LRP2BP: variants seen among roughly 807,000 people sequenced by gnomAD.
LRP2BP encodes LRP2-binding protein.
In LRP2BP, 38 loss-of-function variants were observed where a neutral mutation model predicts 45.2. The observed-to-expected ratio is 0.84, with a 90% CI of 0.65 to 1.10. The LOEUF (loss-of-function observed/expected upper bound fraction) is 1.10. LRP2BP is among the 50% of genes least tolerant of loss of function. The pLI is 0.00. For missense variants in LRP2BP, 385 were observed against 418.9 expected (o/e 0.92, Z 0.71); for synonymous variants, 153 against 153.9 (o/e 0.99, Z 0.04).
chr4:185,397,017 C>T (rs1580033299), upstream of LRP2BP: 2 of 1,610,434 alleles, frequency 1.2e-6, no homozygotes, highest in South Asian at 1.1e-5. Flanking sequence ...TTCGTCTTCT[C>T]GTTAATGCGG....
chr4:185,381,958 T>G (rs2095457125), intron 1 of LRP2BP, among the ~76,000 whole-genome samples: 1 of 152,204 alleles, frequency 6.6e-6, no homozygotes, highest in Non-Finnish European at 1.5e-5. Flanking sequence ...TGTGCAATAA[T>G]TACCGCTATG....
chr4:185,391,228 G>A (rs748539968), intron 1 of LRP2BP, among the ~76,000 whole-genome samples: 2 of 151,990 alleles, frequency 1.3e-5, no homozygotes, highest in Non-Finnish European at 2.9e-5. Context: ...AGGTGAAGTG[G>A]CCTTCTCATC....
chr4:185,396,743 T>G, upstream of LRP2BP: 3 of 654,058 alleles, frequency 4.6e-6, no homozygotes, highest in East Asian at 2.6e-5. Flanking sequence ...TCGTTGAGGA[T>G]TAGGCTGCTC....
intron 1 of LRP2BP, among the ~76,000 whole-genome samples, chr4:185,387,152 T>G (rs1254301601): frequency 6.9e-6 from 1 of 144,902 alleles, no homozygotes; most frequent in Non-Finnish European, 1.5e-5. Context: ...GCCTGAGGCA[T>G]GAGACGAGGG....
intron 1 of LRP2BP, among the ~76,000 whole-genome samples, chr4:185,381,252 G>T (rs10018215): frequency 0.17 from 25,470 of 152,014 alleles, 2,494 homozygotes; most frequent in African/African-American, 0.25. Flanking sequence ...ATTTTGTTGT[G>T]TTAGTTGTAA....
chr4:185,386,109 C>T (rs1256327960), intron 1 of LRP2BP, among the ~76,000 whole-genome samples: 2 of 152,086 alleles, frequency 1.3e-5, no homozygotes, highest in African/African-American at 4.8e-5. Flanking sequence ...GTGGTATCAC[C>T]ATTATTATGC....
chr4:185,377,720 C>T (rs2095442786), intron 2 of LRP2BP: 2 of 178,696 alleles, frequency 1.1e-5, no homozygotes, highest in Non-Finnish European at 2.3e-5. Flanking sequence ...AATGAGCAAC[C>T]CATCCCTAAT....
At chr4:185,376,483 G>A (rs372378676) in intron 3 of LRP2BP, among the ~76,000 whole-genome samples, 1 of 136,406 alleles carries the variant, frequency 7.3e-6, no homozygotes, top group Non-Finnish European at 1.5e-5. Context: ...TAGTACAGAT[G>A]GGGTGTAGCC....
chr4:185,367,196 ATAAG>A lies in LRP2BP; in HGVS notation c.1024_1027del (p.Leu342PhefsTer47), dbSNP rs2095390988. ...CATTGTGGTCTAAATTCTTTGACGAATAAGTAAGGAGTGAAGTTCATCTGCCAAT... is the reference window on the plus strand; with the variant it reads ...CATTGTGGTCTAAATTCTTTGACGAATAAGGAGTGAAGTTCATCTGCCAAT... On this transcript the variant is annotated frameshift_variant, in exon 9 of 9. Coordinates refer to ENST00000505916, the MANE Select transcript of LRP2BP (RefSeq NM_001377440.1). LOFTEE classifies it high-confidence loss of function. The A allele has an allele frequency of 6.2e-7, 1 of 1,612,934 alleles. No individual in the cohort carries two copies. Among genetic ancestry groups the A allele is most frequent in the Non-Finnish European group, 8.5e-7 (1 of 1,179,342 alleles).
Position 185,366,185 on chromosome 4 carries a change from T to C in LRP2BP, c.*995A>G, listed in dbSNP as rs1329381286. 6.6e-6 allele frequency: 1 copy of C among 152,238 alleles called. No homozygotes were observed. Among genetic ancestry groups the C allele is most frequent in the African/African-American group, 2.4e-5 (1 of 41,466 alleles). The allele number at this position is 152,238 out of a possible 1,614,324, so 9.4% of individuals were successfully genotyped here. On this transcript the variant is annotated 3_prime_UTR_variant, in exon 9 of 9. Coordinates refer to ENST00000505916, the MANE Select transcript of LRP2BP (RefSeq NM_001377440.1). ...TGTACAATCTTATGCATATGGATCT[T>C]ACTGTTTTTACTGTCACCTTTTGCC...
chr4:185,397,170 G>C, upstream of LRP2BP: 1 of 1,613,684 alleles, frequency 6.2e-7, no homozygotes, highest in Non-Finnish European at 8.5e-7. Flanking sequence ...TGAAGCATTT[G>C]CTGGAGACAG....
chr4:185,397,236 C>G, upstream of LRP2BP: 1 of 1,614,128 alleles, frequency 6.2e-7, no homozygotes, highest in Non-Finnish European at 8.5e-7. Context: ...TCCACTTAGC[C>G]GCAGGAAGCG....
At chr4:185,386,308 T>G (rs536111441) in intron 1 of LRP2BP, among the ~76,000 whole-genome samples, 2 of 152,064 alleles carry the variant, frequency 1.3e-5, no homozygotes, top group Non-Finnish European at 2.9e-5. Flanking sequence ...TGAACAAAAA[T>G]GAAAAGCATA....
intron 2 of LRP2BP, chr4:185,377,830 G>T: frequency 2.7e-6 from 1 of 367,682 alleles, no homozygotes; most frequent in Non-Finnish European, 4.9e-6. Context: ...TCTGCTTTCT[G>T]TTTTCTAGAA....
At chr4:185,381,340 A>G (rs2095455588) in intron 1 of LRP2BP, among the ~76,000 whole-genome samples, 1 of 152,098 alleles carries the variant, frequency 6.6e-6, no homozygotes, top group African/African-American at 2.4e-5. Context: ...GACTTTGGGT[A>G]GCTTCTGTTT....
intron 1 of LRP2BP, chr4:185,379,085 T>G: frequency 1.7e-6 from 1 of 576,058 alleles, no homozygotes; most frequent in South Asian, 7.6e-5. Context: ...GAATTATCTT[T>G]GTGATTTTGG....
In LRP2BP at chr4:185,395,308, T is replaced by G; in HGVS notation, c.-551A>C. 9.1e-6 allele frequency: 9 copies of G among 985,460 alleles called. No homozygotes were observed. The highest frequency in any genetic ancestry group is 1.1e-5 in the Non-Finnish European group (9 of 829,924). 61.0% of individuals were successfully genotyped at this position (985,460 alleles called of 1,614,324 possible). ...TTCACCACACAAATATCCCACTACA[T>G]ATGCTAACTGCAGTATTTATGTTCA... On this transcript the variant is annotated 5_prime_UTR_variant, in exon 1 of 9. An upstream start codon of the reference 5' UTR is lost. Coordinates refer to ENST00000505916, the MANE Select transcript of LRP2BP (RefSeq NM_001377440.1).
Position 185,390,232 on chromosome 4 carries a change from C to T in LRP2BP, c.-22+4547G>A, listed in dbSNP as rs568893662. 5.9e-5 allele frequency among the ~76,000 whole-genome samples: 9 copies of T among 152,148 alleles called. No individual in the cohort carries two copies. The South Asian group carries it at 1.0e-3, about 18-fold the overall frequency. Reference sequence around the variant, plus strand: ...CAGTTACATAATATTTAATTGAGGCCGGGCAGGGTGGCTCACGCCTGTAAT... The same window carrying T: ...CAGTTACATAATATTTAATTGAGGCTGGGCAGGGTGGCTCACGCCTGTAAT... On this transcript the variant is annotated intron_variant, in intron 1 of 8. Transcript: ENST00000505916.
At chr4:185,396,878 C>CGTG, upstream of LRP2BP, 1 of 1,607,706 alleles carries the variant, frequency 6.2e-7, no homozygotes, top group East Asian at 2.2e-5. Flanking sequence ...GAGTGTCTCA[C>CGTG]CTCTCTGCAC....
Sources: gnomAD v4.1 joint callset for allele counts (sites outside exome capture counted in the v4.1 genomes callset) on GRCh38, gnomAD v4.1.1 for gene constraint, MANE v1.5 for transcripts, NCBI Gene and HGNC (gene_info 2026-07-23, HGNC 2026-07-21) for gene names.